The following SLC12A7 variants were observed in gnomAD, a reference collection of about 807,000 sequenced individuals.
SLC12A7 encodes solute carrier family 12 member 7.
SLC12A7 carries 100 observed loss-of-function variants against 120.6 expected under a neutral mutation model. The ratio of observed to expected loss-of-function variants is 0.83; its 90% confidence interval spans 0.71 to 0.98. The LOEUF is 0.98. SLC12A7 is among the 50% of genes least tolerant of loss of function. The probability of loss-of-function intolerance (pLI) is 0.00; values close to 1 mark genes in which losing one functional copy is unlikely to be tolerated. For missense variants in SLC12A7, 1,373 were observed against 1,548.1 expected, an observed-to-expected ratio of 0.89 and a Z score of 1.90; for synonymous variants, 760 against 678.0, an observed-to-expected ratio of 1.12 and a Z score of -1.88.
At chr5:1,083,711 C>A (rs567782099) in intron 8 of SLC12A7, 34 bp downstream of exon 8, 3 of 1,603,452 alleles carry the variant, frequency 1.9e-6, no homozygotes, top group Admixed American at 1.7e-5. Context: ...CCCCCGCCAC[C>A]CCCCAGCTCC....
At chr5:1,060,668 A>G (rs934644081) in intron 20 of SLC12A7, among the ~76,000 whole-genome samples, 2 of 152,154 alleles carry the variant, frequency 1.3e-5, no homozygotes, top group African/African-American at 2.4e-5. Context: ...CGCTCTGCTC[A>G]TGTCCCTCCC....
At chr5:1,074,194 C>T (rs1331397591) in intron 16 of SLC12A7, among the ~76,000 whole-genome samples, 1 of 151,878 alleles carries the variant, frequency 6.6e-6, no homozygotes, top group Non-Finnish European at 1.5e-5. Context: ...GCCCGGGGCA[C>T]ACCCGAGGCC....
intron 22 of SLC12A7, among the ~76,000 whole-genome samples, chr5:1,054,140 C>T (rs2150773825): frequency 6.6e-6 from 1 of 152,362 alleles, no homozygotes; most frequent in South Asian, 2.1e-4. Flanking sequence ...TACTGGGTCC[C>T]CTCCTACGGC....
rs201708276 is a variant in SLC12A7, at chr5:1,076,839, G to A, written c.1630-27C>T. On this transcript the variant is annotated intron_variant, in intron 12 of 23. Coordinates refer to ENST00000264930, the MANE Select transcript of SLC12A7 (RefSeq NM_006598.3). ...TGCAGGGAGAAGGGCAGGAAGATGGGGCAGATGACACCACCCTTTTAGGAG... is the reference window on the plus strand; with the variant it reads ...TGCAGGGAGAAGGGCAGGAAGATGGAGCAGATGACACCACCCTTTTAGGAG... The A allele has an allele frequency of 2.6e-4, 380 of 1,472,376 alleles. 1 individual carries two copies. The highest frequency in any genetic ancestry group is 1.7e-3 in the African/African-American group (122 of 72,384). The allele number at this position is 1,472,376 out of a possible 1,614,324, so 91.2% of individuals were successfully genotyped here. A position where few individuals can be genotyped will look rare whatever the true frequency, so the allele number is the denominator to read the frequency against.
At position 1,053,484 on chromosome 5, in the gene SLC12A7, T is replaced by C; in HGVS notation, c.3027-2A>G. 1 of 1,613,140 alleles carries C rather than the reference T, an allele frequency of 6.2e-7. No individual in the cohort carries two copies. The highest frequency in any genetic ancestry group is 8.5e-7 in the Non-Finnish European group (1 of 1,179,728). ...ATCCGCCTGACGTTGGACTGGTCCC[T>C]GCAGGGGAGGTGGGCACGGTCAGCG... is the stretch of plus-strand genomic sequence containing the variant. On this transcript the variant is annotated splice_acceptor_variant, in intron 22 of 23. Transcript: ENST00000264930. LOFTEE classifies it high-confidence loss of function.
At chr5:1,097,033 G>T (rs1470431724) in intron 1 of SLC12A7, among the ~76,000 whole-genome samples, 1 of 152,124 alleles carries the variant, frequency 6.6e-6, no homozygotes, top group African/African-American at 2.4e-5. Context: ...TCTCTTCCCC[G>T]CAGGAAGGGT....
upstream of SLC12A7, among the ~76,000 whole-genome samples, chr5:1,113,385 G>A (rs6895108): frequency 0.46 from 70,372 of 152,068 alleles, 18,118 homozygotes; most frequent in Non-Finnish European, 0.59. Flanking sequence ...TTCAAGGAAC[G>A]CAAGCCCAAC....
intron 7 of SLC12A7, among the ~76,000 whole-genome samples, chr5:1,084,566 G>C (rs1739600830): frequency 6.6e-6 from 1 of 152,220 alleles, no homozygotes; most frequent in Non-Finnish European, 1.5e-5. Context: ...GTAGCGTCAA[G>C]CATCGGCAGG....
chr5:1,077,018 C>T (rs1215361207), intron 12 of SLC12A7, among the ~76,000 whole-genome samples: 1 of 152,060 alleles, frequency 6.6e-6, no homozygotes, highest in Non-Finnish European at 1.5e-5. Flanking sequence ...CAGAGCTGTG[C>T]CTACGCCCGG....
In SLC12A7 at chr5:1,051,123, A is replaced by G; in HGVS notation, c.*1237T>C. On this transcript the variant is annotated 3_prime_UTR_variant, in exon 24 of 24. Coordinates refer to ENST00000264930, the MANE Select transcript of SLC12A7 (RefSeq NM_006598.3). Reference sequence around the variant, plus strand: ...CCCGCAGCCTGCAAATGTGACCACAACCTACAAAGCAGAAACTCACAGCCA... The same window carrying G: ...CCCGCAGCCTGCAAATGTGACCACAGCCTACAAAGCAGAAACTCACAGCCA... 1 of 394,890 alleles carries G rather than the reference A, an allele frequency of 2.5e-6. No individual in the cohort carries two copies. The highest frequency in any genetic ancestry group is 4.5e-6 in the Non-Finnish European group (1 of 224,214). 24.5% of individuals were successfully genotyped at this position (394,890 alleles called of 1,614,324 possible). A position where few individuals can be genotyped will look rare whatever the true frequency, so the allele number is the denominator to read the frequency against.
chr5:1,107,248 C>T (rs1187050959), intron 1 of SLC12A7, among the ~76,000 whole-genome samples: 2 of 152,246 alleles, frequency 1.3e-5, no homozygotes, highest in Non-Finnish European at 2.9e-5. Flanking sequence ...CTGTGTTAGG[C>T]GTAGCCTTAA....
At chr5:1,145,013 C>T in the SLC12A7 span, among the ~76,000 whole-genome samples, 37 of 152,374 alleles carry the variant, frequency 2.4e-4, no homozygotes, top group African/African-American at 7.9e-4. The surrounding 1 kb of genome is among the most constrained non-coding windows in gnomAD (Gnocchi z 4.4). Context: ...CTGGACCAAC[C>T]GGGCCGGGGC....
chr5:1,067,482 G>A (rs1322032682), intron 17 of SLC12A7, among the ~76,000 whole-genome samples: 1 of 152,238 alleles, frequency 6.6e-6, no homozygotes, highest in Non-Finnish European at 1.5e-5. Context: ...CCTCTGCAGG[G>A]CAATTCAGGT....
At chr5:1,091,909 G>A (rs1011718962) in intron 3 of SLC12A7, among the ~76,000 whole-genome samples, 2 of 151,618 alleles carry the variant, frequency 1.3e-5, no homozygotes, top group African/African-American at 2.4e-5. Flanking sequence ...CCAAGGGCTG[G>A]CCGAGCTACA....
the SLC12A7 span, among the ~76,000 whole-genome samples, chr5:1,133,968 G>GT: frequency 2.6e-5 from 4 of 152,130 alleles, no homozygotes; most frequent in Non-Finnish European, 4.4e-5. Context: ...GTACACCATG[G>GT]AGAGAGGGAG....
intron 1 of SLC12A7, among the ~76,000 whole-genome samples, chr5:1,102,970 T>C (rs967964918): frequency 1.3e-5 from 2 of 152,128 alleles, no homozygotes; most frequent in Non-Finnish European, 2.9e-5. Context: ...CTGGGCTCCC[T>C]GTGAAGGTGC....
At chr5:1,100,402 C>T (rs1741896128) in intron 1 of SLC12A7, among the ~76,000 whole-genome samples, 1 of 152,232 alleles carries the variant, frequency 6.6e-6, no homozygotes, top group South Asian at 2.1e-4. Flanking sequence ...TCTATCTTTC[C>T]ACAGCCTTTC....
chr5:1,065,513 G>A, intron 17 of SLC12A7, 35 bp from the exon 18 acceptor site: 1 of 1,526,084 alleles, frequency 6.6e-7, no homozygotes, highest in Non-Finnish European at 8.9e-7. Flanking sequence ...GCTACAGCAG[G>A]AATGGGGTGC....
At chr5:1,100,210 C>T (rs976157262) in intron 1 of SLC12A7, among the ~76,000 whole-genome samples, 23 of 152,246 alleles carry the variant, frequency 1.5e-4, no homozygotes, top group African/African-American at 5.3e-4. Flanking sequence ...GTCCCTCACC[C>T]TCGGGCGGCA....
Sources: allele counts gnomAD v4.1 joint callset (sites outside exome capture counted in the v4.1 genomes callset), GRCh38; gene constraint gnomAD v4.1.1; non-coding constraint Gnocchi (gnomAD v3.1); transcripts MANE v1.5; gene names NCBI Gene and HGNC (gene_info 2026-07-23, HGNC 2026-07-21).